The following CACNA1C variants were observed in gnomAD, a reference collection of about 807,000 sequenced individuals.
CACNA1C encodes voltage-dependent L-type calcium channel subunit alpha-1C.
In CACNA1C, 30 loss-of-function variants were observed where a neutral mutation model predicts 229.0. The ratio of observed to expected loss-of-function variants is 0.13; its 90% CI spans 0.10 to 0.18. The LOEUF is 0.18. Ranked by LOEUF, CACNA1C falls within the 10% of genes least tolerant of loss-of-function variation. CACNA1C has a pLI of 1.00. For synonymous variants in CACNA1C, 1,114 were observed against 1,132.5 expected (o/e 0.98, Z 0.33); for missense variants, 1,658 against 2,845.0 (o/e 0.58, Z 9.49).
chr12:2,066,776 A>G (rs1216495144), intron 1 of CACNA1C, among the ~76,000 whole-genome samples: 1 of 152,060 alleles, frequency 6.6e-6, no homozygotes, highest in African/African-American at 2.4e-5. Flanking sequence ...AACCCCAGCA[A>G]AGGAGGTAGC....
chr12:2,565,810 G>C (rs1420843991), intron 11 of CACNA1C, among the ~76,000 whole-genome samples: 1 of 152,238 alleles, frequency 6.6e-6, no homozygotes, highest in Non-Finnish European at 1.5e-5. Flanking sequence ...CTGTGCTCCA[G>C]ATGAACCCCT....
At chr12:2,139,987 C>T (rs1597081097) in intron 3 of CACNA1C, among the ~76,000 whole-genome samples, 1 of 151,110 alleles carries the variant, frequency 6.6e-6, no homozygotes. Context: ...AGGGGCTTAT[C>T]TCTGCCACAG....
intron 5 of CACNA1C, among the ~76,000 whole-genome samples, chr12:2,484,072 ACTC>A (rs2099687734): frequency 6.6e-6 from 1 of 152,110 alleles, no homozygotes; most frequent in Non-Finnish European, 1.5e-5. Flanking sequence ...CTCTCACAAA[ACTC>A]AGCCTAATGT....
chr12:2,147,731 C>A (rs1052918203), intron 3 of CACNA1C, among the ~76,000 whole-genome samples: 1 of 142,186 alleles, frequency 7.0e-6, no homozygotes, highest in African/African-American at 2.6e-5. Context: ...AGAGAAAATG[C>A]AAATTACAGA....
At position 2,192,080 on chromosome 12, in the gene CACNA1C, ACACATGCACG is replaced by A. The variant is rs1216899758; in HGVS notation, c.477+71657_477+71666del. Among the ~76,000 whole-genome samples the A allele has an allele frequency of 1.1e-4, 17 of 152,130 alleles. No individual in the cohort carries two copies. The East Asian group carries it at 3.3e-3, about 29-fold the overall frequency. On this transcript the variant is annotated intron_variant, in intron 3 of 46. Coordinates refer to ENST00000399655, the MANE Select transcript of CACNA1C (RefSeq NM_000719.7). ...CACACTCAGGCACAGACACACACAC[ACACATGCACG>A]CACATGGGCGCGCACACACACACCC... is the stretch of plus-strand genomic sequence containing the variant.
At chr12:2,018,757 A>G (rs1412567682) in intron 1 of CACNA1C, among the ~76,000 whole-genome samples, 3 of 152,362 alleles carry the variant, frequency 2.0e-5, no homozygotes, top group African/African-American at 7.2e-5. Flanking sequence ...CTTAATATAT[A>G]GTAAATCTAA....
intron 1 of CACNA1C, among the ~76,000 whole-genome samples, chr12:2,082,324 C>T (rs535893845): frequency 6.6e-6 from 1 of 152,274 alleles, no homozygotes; most frequent in South Asian, 2.1e-4. Context: ...CCCCGCTTTT[C>T]CCCTCTCACA....
rs72653438 is a variant in CACNA1C, at chr12:2,555,630, C to T, written c.1482-1321C>T. 4.7e-4 allele frequency among the ~76,000 whole-genome samples: 71 copies of T among 152,344 alleles called. No individual in the cohort carries two copies. In the East Asian group the frequency reaches 0.012, roughly 25 times the overall value. On this transcript the variant is annotated intron_variant, in intron 10 of 46. Transcript: ENST00000399655. ...CTGGGCTCCCAGTCCCCCTCCCACA[C>T]GCTGTTAACCTGTGATTAAGCCCTC...
At chr12:2,182,418 C>T (rs2096870095) in intron 3 of CACNA1C, among the ~76,000 whole-genome samples, 1 of 151,956 alleles carries the variant, frequency 6.6e-6, no homozygotes, top group Admixed American at 6.6e-5. Flanking sequence ...GGGTTTTTTT[C>T]CCCCTCCTAA....
At chr12:2,062,793 G>C (rs545946371) in intron 1 of CACNA1C, among the ~76,000 whole-genome samples, 107 of 152,086 alleles carry the variant, frequency 7.0e-4, no homozygotes, top group African/African-American at 2.4e-3. Context: ...ACCCATTCTT[G>C]GAATATTTCC....
chr12:1,999,374 A>T (rs112096049), intron 1 of CACNA1C, among the ~76,000 whole-genome samples: 4,168 of 152,326 alleles, frequency 0.027, 96 homozygotes, highest in Middle Eastern at 0.054. Flanking sequence ...GTAACAAAAT[A>T]TTTAATCTCA....
At position 2,396,738 on chromosome 12, in the gene CACNA1C, C is replaced by T. The variant is rs564231503; in HGVS notation, c.478-52238C>T. ...CAAGAGCTCTGGCATGAAGCTAGGC[C>T]TCTCCAACTATTTAATGTTTCATTA... On this transcript the variant is annotated intron_variant, in intron 3 of 46. Coordinates refer to ENST00000399655, the MANE Select transcript of CACNA1C (RefSeq NM_000719.7). Among the ~76,000 whole-genome samples, 521 of 152,380 alleles carry T rather than the reference C, an allele frequency of 3.4e-3. 1 individual carries two copies. Among genetic ancestry groups the T allele is most frequent in the Non-Finnish European group, 5.2e-3 (355 of 68,036 alleles).
At chr12:2,668,020 T>G (rs776495236) in intron 37 of CACNA1C, among the ~76,000 whole-genome samples, 1 of 152,226 alleles carries the variant, frequency 6.6e-6, no homozygotes, top group Non-Finnish European at 1.5e-5. Flanking sequence ...GACAGCACTA[T>G]CCAGTGTCAG....
At chr12:2,050,825 G>T (rs750173451), upstream of CACNA1C, among the ~76,000 whole-genome samples, 3 of 152,172 alleles carry the variant, frequency 2.0e-5, no homozygotes, top group Non-Finnish European at 4.4e-5. Flanking sequence ...GAGTGGTAAG[G>T]TTTCAGGTAC....
intron 3 of CACNA1C, among the ~76,000 whole-genome samples, chr12:2,166,699 G>A (rs1420939395): frequency 6.6e-6 from 1 of 152,212 alleles, no homozygotes; most frequent in African/African-American, 2.4e-5. Flanking sequence ...GCTTGGCATT[G>A]TGCCTGCCTC....
chr12:2,632,391 G>A lies in CACNA1C; in HGVS notation c.3829-1906G>A, dbSNP rs1020956239. Among the ~76,000 whole-genome samples the A allele has an allele frequency of 1.1e-4, 16 of 151,982 alleles. No individual in the cohort carries two copies. The highest frequency in any genetic ancestry group is 3.4e-4 in the African/African-American group (14 of 41,366). The stretch of plus-strand genomic sequence containing the variant: ...ACCCATTCAGTCACAGAACATCGCT[G>A]TGCAGGCCCCTACACCTCCTACACC... On this transcript the variant is annotated intron_variant, in intron 29 of 46. Coordinates refer to ENST00000399655, the MANE Select transcript of CACNA1C (RefSeq NM_000719.7). This position sits in a 1 kb window ranked among gnomAD's most constrained non-coding sequence, Gnocchi z 4.1.
intron 2 of CACNA1C, among the ~76,000 whole-genome samples, 185 bp from the exon 3 acceptor site, chr12:2,120,139 AT>A (rs775798208): frequency 4.6e-5 from 7 of 152,222 alleles, no homozygotes; most frequent in Non-Finnish European, 1.0e-4. Flanking sequence ...ATTAGGGAAA[AT>A]TTTGGCGGGG....
At chr12:2,138,292 T>G (rs2093756298) in intron 3 of CACNA1C, among the ~76,000 whole-genome samples, 1 of 151,160 alleles carries the variant, frequency 6.6e-6, no homozygotes, top group Non-Finnish European at 1.5e-5. Context: ...AGTGCTGTGG[T>G]CCCTGTGGCC....
intron 3 of CACNA1C, among the ~76,000 whole-genome samples, chr12:2,334,543 G>A (rs774857392): frequency 2.0e-5 from 3 of 152,092 alleles, no homozygotes; most frequent in Non-Finnish European, 4.4e-5. Flanking sequence ...GGTGGTTCAC[G>A]CCCATAGTCC....
Sources: allele counts gnomAD v4.1 joint callset (sites outside exome capture counted in the v4.1 genomes callset), GRCh38; gene constraint gnomAD v4.1.1; non-coding constraint Gnocchi (gnomAD v3.1); transcripts MANE v1.5; gene names NCBI Gene and HGNC (gene_info 2026-07-23, HGNC 2026-07-21).